Variants in PRKX observed in about 807,000 individuals in gnomAD.
The protein encoded by PRKX is protein kinase cAMP-dependent X-linked catalytic subunit.
A neutral mutation model predicts 22.0 loss-of-function variants in PRKX; 12 were observed. The ratio of observed to expected loss-of-function variants is 0.54; its 90% confidence interval spans 0.35 to 0.88. PRKX has a LOEUF of 0.88. Among genes scored for constraint, PRKX ranks in the 40% least tolerant of loss-of-function variants. The pLI is 0.01. For synonymous variants in PRKX, 134 were observed against 137.7 expected (o/e 0.97, Z 0.19); for missense variants, 217 against 308.0 (o/e 0.70, Z 2.21).
chrX:3,613,272 C>A (rs770380961), intron 7 of PRKX, among the ~76,000 whole-genome samples: 1 of 106,863 alleles, frequency 9.4e-6, no homozygotes, highest in South Asian at 4.2e-4. Flanking sequence ...GTACATACTA[C>A]GCTACTCTAG....
intron 6 of PRKX, among the ~76,000 whole-genome samples, chrX:3,616,587 C>T (rs1416731098): frequency 8.9e-6 from 1 of 111,881 alleles, no homozygotes; most frequent in Non-Finnish European, 1.9e-5. Context: ...AAGAAATAAA[C>T]GTAGGTTCCA....
intron 1 of PRKX, among the ~76,000 whole-genome samples, chrX:3,705,965 T>G (rs1407928296): frequency 1.9e-5 from 2 of 104,290 alleles, no homozygotes; most frequent in African/African-American, 7.1e-5. Flanking sequence ...GTGCTGGGAT[T>G]ACAGGCATGA....
chrX:3,646,379 G>A (rs975213653), intron 3 of PRKX, among the ~76,000 whole-genome samples: 1 of 112,043 alleles, frequency 8.9e-6, no homozygotes, highest in South Asian at 3.7e-4. Context: ...AGCAGGTGGC[G>A]TCACCAGCCT....
chrX:3,667,250 T>A (rs1259355502), intron 2 of PRKX: 1 of 111,652 alleles, frequency 9.0e-6, no homozygotes, highest in East Asian at 2.8e-4. Flanking sequence ...TCTAAGGGAT[T>A]TTTTTGCTTT....
rs1402463173 is a variant in PRKX, at chrX:3,606,285, G to A, written c.*2684C>T. 1 of 112,636 alleles carries A rather than the reference G, an allele frequency of 8.9e-6. No homozygotes were observed. The highest frequency in any genetic ancestry group is 1.9e-5 in the Non-Finnish European group (1 of 53,323). 9.3% of individuals were successfully genotyped at this position (112,636 alleles called of 1,213,427 possible). A position where few individuals can be genotyped will look rare whatever the true frequency, so the allele number is the denominator to read the frequency against. ...GGACATTCTGCACCGTGATTGTTTC[G>A]TGATCATCCATGCGGACATTTCGCA... On this transcript the variant is annotated 3_prime_UTR_variant, in exon 9 of 9. Transcript: ENST00000262848.
chrX:3,676,880 C>G (rs1327021884), intron 1 of PRKX, among the ~76,000 whole-genome samples: 1 of 111,909 alleles, frequency 8.9e-6, no homozygotes, highest in Non-Finnish European at 1.9e-5. Flanking sequence ...TGCTCGGGCT[C>G]TCTTCTTGCC....
intron 1 of PRKX, among the ~76,000 whole-genome samples, chrX:3,701,980 A>G (rs1426646126): frequency 5.4e-5 from 6 of 111,983 alleles, no homozygotes; most frequent in African/African-American, 1.6e-4. Flanking sequence ...CCTCGAAGCC[A>G]CTCTGTCTAT....
At chrX:3,613,232 G>C (rs1345402509) in intron 7 of PRKX, among the ~76,000 whole-genome samples, 2 of 101,613 alleles carry the variant, frequency 2.0e-5, no homozygotes, top group Non-Finnish European at 3.9e-5. Flanking sequence ...AGATTATATA[G>C]TCAAGTGCAA....
intron 5 of PRKX, among the ~76,000 whole-genome samples, chrX:3,624,874 T>C (rs1926629741): frequency 9.0e-6 from 1 of 110,973 alleles, no homozygotes; most frequent in Non-Finnish European, 1.9e-5. Context: ...ATCCTCCCAC[T>C]TCGGATTGCT....
chrX:3,605,944 T>G lies in PRKX; in HGVS notation c.*3025A>C, dbSNP rs1165228574. 1.8e-5 allele frequency: 2 copies of G among 112,321 alleles called. No individual in the cohort carries two copies. Among genetic ancestry groups the G allele is most frequent in the African/African-American group, 3.2e-5 (1 of 30,931 alleles). The allele number at this position is 112,321 out of a possible 1,213,427, so 9.3% of individuals were successfully genotyped here. On this transcript the variant is annotated 3_prime_UTR_variant, in exon 9 of 9. Transcript: ENST00000262848. ...GATTTAGACTTCTGTTGCGAAGGAA[T>G]TAGAAGAATTCAGTAGAGACAGTGT...
chrX:3,702,474 C>T (rs1304022913), intron 1 of PRKX, among the ~76,000 whole-genome samples: 2 of 109,979 alleles, frequency 1.8e-5, no homozygotes, highest in Non-Finnish European at 3.8e-5. Context: ...TCCAAAATAA[C>T]TACCTCGGAG....
At chrX:3,652,853 C>T (rs906219745) in intron 3 of PRKX, among the ~76,000 whole-genome samples, 6 of 110,464 alleles carry the variant, frequency 5.4e-5, no homozygotes, top group Admixed American at 9.7e-5. Context: ...GATGAGGATA[C>T]AGACATGCAC....
chrX:3,701,089 C>G (rs1603474853), intron 1 of PRKX, among the ~76,000 whole-genome samples: 1 of 99,726 alleles, frequency 1.0e-5, no homozygotes, highest in Non-Finnish European at 2.1e-5. Context: ...CTTTCTTCAT[C>G]TTTTATTTCC....
At chrX:3,672,689 G>A (rs1050420244) in intron 2 of PRKX, among the ~76,000 whole-genome samples, 4 of 110,907 alleles carry the variant, frequency 3.6e-5, no homozygotes, top group African/African-American at 1.3e-4. Context: ...ACCACAAACT[G>A]GGGGTTGGGG....
At chrX:3,683,523 G>T (rs1199918778) in intron 1 of PRKX, among the ~76,000 whole-genome samples, 1 of 111,277 alleles carries the variant, frequency 9.0e-6, no homozygotes, top group East Asian at 2.9e-4. Flanking sequence ...CAAAGGAGCC[G>T]AGATGAAAAA....
chrX:3,710,812 A>G (rs1928774139), intron 1 of PRKX, among the ~76,000 whole-genome samples: 1 of 111,679 alleles, frequency 9.0e-6, no homozygotes, highest in African/African-American at 3.3e-5. Flanking sequence ...AATGAGGGCG[A>G]AAGAGCACTT....
intron 2 of PRKX, among the ~76,000 whole-genome samples, chrX:3,665,140 AC>A (rs1284741220): frequency 1.8e-5 from 2 of 111,129 alleles, no homozygotes; most frequent in African/African-American, 6.6e-5. Context: ...GTGTGTGTGC[AC>A]GTGCACGTGT....
chrX:3,689,700 G>A (rs775543923), intron 1 of PRKX, among the ~76,000 whole-genome samples: 7 of 111,232 alleles, frequency 6.3e-5, no homozygotes, highest in Non-Finnish European at 9.4e-5. Context: ...TGAATGGGCT[G>A]GGCGCGGTGG....
At chrX:3,662,877 A>G (rs1312361146) in intron 2 of PRKX, among the ~76,000 whole-genome samples, 2 of 106,143 alleles carry the variant, frequency 1.9e-5, no homozygotes, top group East Asian at 6.0e-4. Context: ...GCAGGCCTGT[A>G]GTCCCAACTA....
Sources: allele counts gnomAD v4.1 joint callset (sites outside exome capture counted in the v4.1 genomes callset), GRCh38; gene constraint gnomAD v4.1.1; transcripts MANE v1.5; gene names NCBI Gene and HGNC (gene_info 2026-07-23, HGNC 2026-07-21).